The following FOLH1 variants were observed in gnomAD, a reference collection of about 807,000 sequenced individuals.
FOLH1 encodes folate hydrolase 1, also known as glutamate carboxypeptidase 2.
Under a neutral mutation model 93.9 loss-of-function variants are expected in FOLH1, and 54 were observed. That is an observed-to-expected ratio of 0.57 (90% confidence interval 0.46 to 0.72). The LOEUF (loss-of-function observed/expected upper bound fraction) is 0.72. Ranked by LOEUF, FOLH1 falls within the 30% of genes least tolerant of loss-of-function variation. The pLI is 0.00. For missense variants in FOLH1, 571 were observed against 892.5 expected (o/e 0.64, Z 4.59); for synonymous variants, 249 against 303.6 (o/e 0.82, Z 1.87).
chr11:49,149,266 T>A (rs1186831105), intron 17 of FOLH1, among the ~76,000 whole-genome samples: 1 of 152,154 alleles, frequency 6.6e-6, no homozygotes, highest in Non-Finnish European at 1.5e-5. Context: ...TAAAAGTTAC[T>A]TAAAATTATA....
At chr11:49,202,620 A>G (rs1340375616) in intron 2 of FOLH1, among the ~76,000 whole-genome samples, 2 of 152,370 alleles carry the variant, frequency 1.3e-5, no homozygotes, top group African/African-American at 2.4e-5. Flanking sequence ...AGCTGGGATT[A>G]CATGGGTGAG....
intron 12 of FOLH1, among the ~76,000 whole-genome samples, chr11:49,168,616 GT>G (rs1801143145): frequency 6.6e-6 from 1 of 151,968 alleles, no homozygotes; most frequent in Non-Finnish European, 1.5e-5. Flanking sequence ...TCTATACTGA[GT>G]GCGCCACCAC....
In FOLH1 at chr11:49,146,219, A is replaced by G. The variant is rs1398720609; in HGVS notation, c.*537T>C. 1.3e-5 allele frequency among the ~76,000 whole-genome samples: 2 copies of G among 152,222 alleles called. No individual in the cohort carries two copies. The highest frequency in any genetic ancestry group is 4.8e-5 in the African/African-American group (2 of 41,466). ...AATTACTATACATATATTTTATACT[A>G]TAGCCTTTTATATAAATAAAAAATA... On this transcript the variant is annotated 3_prime_UTR_variant, in exon 19 of 19. Transcript: ENST00000256999.
At chr11:49,161,252 G>A (rs1857662719) in intron 13 of FOLH1, among the ~76,000 whole-genome samples, 1 of 152,094 alleles carries the variant, frequency 6.6e-6, no homozygotes, top group Admixed American at 6.6e-5. Context: ...ATTATTGTGT[G>A]GGAGTCTAAG....
At chr11:49,203,997 T>G (rs2135337309) in intron 2 of FOLH1, among the ~76,000 whole-genome samples, 1 of 152,328 alleles carries the variant, frequency 6.6e-6, no homozygotes, top group Middle Eastern at 3.4e-3. Flanking sequence ...TTCCTGGGCA[T>G]GCGTGTTAGA....
chr11:49,148,967 C>T (rs1440445730), intron 17 of FOLH1, among the ~76,000 whole-genome samples: 1 of 152,030 alleles, frequency 6.6e-6, no homozygotes, highest in Non-Finnish European at 1.5e-5. Context: ...TTCGAGGGTA[C>T]ATGTGCACAA....
Position 49,208,550 on chromosome 11 carries a change from C to G in FOLH1, c.-141G>C. ...TATCAGCCCTGCAGGCTGGAATTCG[C>G]TCCAGACCTGGGGTCCAGTTTCTCC... is the stretch of plus-strand genomic sequence containing the variant. On this transcript the variant is annotated 5_prime_UTR_variant, in exon 1 of 19. Coordinates refer to ENST00000256999, the MANE Select transcript of FOLH1 (RefSeq NM_004476.3). The G allele has an allele frequency of 1.7e-6, 1 of 573,422 alleles. No individual in the cohort carries two copies. Among genetic ancestry groups the G allele is most frequent in the East Asian group, 3.0e-5 (1 of 32,918 alleles). The allele number at this position is 573,422 out of a possible 1,614,324, so 35.5% of individuals were successfully genotyped here.
intron 13 of FOLH1, among the ~76,000 whole-genome samples, chr11:49,162,152 T>C (rs1471300619): frequency 1.3e-5 from 2 of 152,196 alleles, no homozygotes; most frequent in Non-Finnish European, 2.9e-5. Flanking sequence ...CTGCATTTCC[T>C]GAATTTGAAT....
intron 7 of FOLH1, among the ~76,000 whole-genome samples, chr11:49,180,893 A>G (rs1860648376): frequency 6.6e-6 from 1 of 152,166 alleles, no homozygotes; most frequent in South Asian, 2.1e-4. Context: ...TATTTGTAAA[A>G]TGGCTTACAG....
chr11:49,200,911 T>C (rs1205773992), intron 2 of FOLH1, among the ~76,000 whole-genome samples: 1 of 152,134 alleles, frequency 6.6e-6, no homozygotes, highest in Non-Finnish European at 1.5e-5. Flanking sequence ...AGCAACCATT[T>C]ATAAAGTATC....
At chr11:49,165,863 C>T (rs1260144469) in intron 12 of FOLH1, among the ~76,000 whole-genome samples, 2 of 152,004 alleles carry the variant, frequency 1.3e-5, no homozygotes, top group Non-Finnish European at 2.9e-5. Context: ...GTACAAACAG[C>T]CAATGTAATT....
intron 17 of FOLH1, among the ~76,000 whole-genome samples, chr11:49,149,115 G>C (rs1365787825): frequency 6.6e-6 from 1 of 151,994 alleles, no homozygotes; most frequent in Non-Finnish European, 1.5e-5. Context: ...CTGTCGTGGG[G>C]TGGGGTGAGG....
intron 12 of FOLH1, among the ~76,000 whole-genome samples, chr11:49,166,336 A>T (rs1331893612): frequency 2.6e-5 from 4 of 152,084 alleles, no homozygotes; most frequent in Non-Finnish European, 5.9e-5. Flanking sequence ...TCTAAGCTCA[A>T]CCCTTCACTA....
intron 15 of FOLH1, among the ~76,000 whole-genome samples, chr11:49,156,207 G>A (rs1349231256): frequency 1.3e-5 from 2 of 151,950 alleles, no homozygotes; most frequent in Non-Finnish European, 2.9e-5. Flanking sequence ...AAATGACCCA[G>A]TCTCGGGTAT....
At chr11:49,204,017 G>T (rs1330493449) in intron 2 of FOLH1, among the ~76,000 whole-genome samples, 1 of 152,158 alleles carries the variant, frequency 6.6e-6, no homozygotes, top group Admixed American at 6.5e-5. Context: ...AGACAAAAAT[G>T]GTATAGTATA....
chr11:49,151,503 A>T (rs1856513740), intron 17 of FOLH1, among the ~76,000 whole-genome samples: 1 of 152,204 alleles, frequency 6.6e-6, no homozygotes, highest in Admixed American at 6.5e-5. Context: ...GCAAGAAGTG[A>T]TACAAGAAAA....
At chr11:49,164,580 A>T in intron 13 of FOLH1, 125 bp downstream of exon 13, 4 of 645,312 alleles carry the variant, frequency 6.2e-6, no homozygotes, top group Non-Finnish European at 1.1e-5. Flanking sequence ...TGAAGATGTG[A>T]TGTCATATAT....
At chr11:49,173,543 C>T in intron 9 of FOLH1, 67 bp from the exon 10 acceptor site, 1 of 1,131,168 alleles carries the variant, frequency 8.8e-7, no homozygotes, top group African/African-American at 1.7e-5. Context: ...GCAAATGACT[C>T]AATAGCATCT....
chr11:49,167,145 A>C (rs1418406486), intron 12 of FOLH1, among the ~76,000 whole-genome samples: 1 of 152,230 alleles, frequency 6.6e-6, no homozygotes, highest in Non-Finnish European at 1.5e-5. Flanking sequence ...TATAATATAC[A>C]TATATATACA....
Sources: gnomAD v4.1 joint callset for allele counts (sites outside exome capture counted in the v4.1 genomes callset) on GRCh38, gnomAD v4.1.1 for gene constraint, MANE v1.5 for transcripts, NCBI Gene and HGNC (gene_info 2026-07-23, HGNC 2026-07-21) for gene names.